KCNIP1: variants seen among roughly 807,000 people sequenced by gnomAD.
KCNIP1 encodes potassium voltage-gated channel interacting protein 1, also known as A-type potassium channel modulatory protein KCNIP1.
In KCNIP1, 18 loss-of-function variants were observed where a neutral mutation model predicts 33.0. The ratio of observed to expected loss-of-function variants is 0.55; its 90% confidence interval spans 0.38 to 0.81. The LOEUF (loss-of-function observed/expected upper bound fraction) is 0.81. Among genes scored for constraint, KCNIP1 ranks in the 30% least tolerant of loss-of-function variants. The pLI is 0.00. For synonymous variants in KCNIP1, 93 were observed against 98.3 expected (o/e 0.95, Z 0.32); for missense variants, 238 against 271.6 (o/e 0.88, Z 0.87).
intron 1 of KCNIP1, among the ~76,000 whole-genome samples, chr5:170,655,048 A>G (rs1316337269): frequency 6.6e-6 from 1 of 152,258 alleles, no homozygotes; most frequent in African/African-American, 2.4e-5. Context: ...AAAATATATT[A>G]CAAAATAATG....
intron 1 of KCNIP1, among the ~76,000 whole-genome samples, chr5:170,369,449 A>G (rs1561587860): frequency 6.6e-6 from 1 of 152,226 alleles, no homozygotes; most frequent in East Asian, 1.9e-4. Flanking sequence ...CTGGACAACT[A>G]AGTAAAGTGC....
intron 1 of KCNIP1, among the ~76,000 whole-genome samples, chr5:170,400,430 C>G (rs1754872497): frequency 6.6e-6 from 1 of 152,156 alleles, no homozygotes; most frequent in Non-Finnish European, 1.5e-5. Flanking sequence ...ATCATGAGAA[C>G]AGCATGGGGG....
chr5:170,408,552 G>A (rs1755097843), intron 1 of KCNIP1, among the ~76,000 whole-genome samples: 1 of 152,178 alleles, frequency 6.6e-6, no homozygotes, highest in Admixed American at 6.5e-5. Flanking sequence ...GTCCCTAGCT[G>A]CTTTCCATGT....
intron 1 of KCNIP1, among the ~76,000 whole-genome samples, chr5:170,610,778 G>T (rs17072775): frequency 6.6e-6 from 1 of 152,090 alleles, no homozygotes; most frequent in African/African-American, 2.4e-5. Flanking sequence ...ATGTTCCCAC[G>T]ATTATGAACT....
At chr5:170,568,901 A>G (rs1757299424) in intron 1 of KCNIP1, among the ~76,000 whole-genome samples, 1 of 152,112 alleles carries the variant, frequency 6.6e-6, no homozygotes, top group Non-Finnish European at 1.5e-5. Context: ...CTCTGCGGCT[A>G]CCCAGGCTTG....
At chr5:170,697,139 T>C (rs1762925597) in intron 1 of KCNIP1, among the ~76,000 whole-genome samples, 1 of 152,006 alleles carries the variant, frequency 6.6e-6, no homozygotes, top group African/African-American at 2.4e-5. Flanking sequence ...ATTCCACTCC[T>C]TGGGATTTCA....
chr5:170,655,552 G>A (rs1444487766), intron 1 of KCNIP1, among the ~76,000 whole-genome samples: 1 of 152,214 alleles, frequency 6.6e-6, no homozygotes, highest in Non-Finnish European at 1.5e-5. Flanking sequence ...ACCAAGGCAG[G>A]TCCTAGATGT....
In KCNIP1 at chr5:170,542,343, G is replaced by T. The variant is rs116048203; in HGVS notation, c.61+37710G>T. On this transcript the variant is annotated intron_variant, in intron 1 of 7. Coordinates refer to ENST00000328939, the MANE Select transcript of KCNIP1 (RefSeq NM_014592.4). ...AAACTCCCCATGTGGCACTGGGCAG[G>T]TTCATCACTTGAACTCTCTAGACCT... 7.5e-3 allele frequency among the ~76,000 whole-genome samples: 1,136 copies of T among 152,256 alleles called. 19 individuals are homozygous for T. The highest frequency in any genetic ancestry group is 0.026 in the African/African-American group (1,074 of 41,540).
At chr5:170,546,550 C>G (rs1410693452) in intron 1 of KCNIP1, among the ~76,000 whole-genome samples, 1 of 152,220 alleles carries the variant, frequency 6.6e-6, no homozygotes. Flanking sequence ...AGTCCTCAAC[C>G]CACGTCCAGA....
At chr5:170,686,253 G>A (rs1316217799) in intron 1 of KCNIP1, among the ~76,000 whole-genome samples, 2 of 152,140 alleles carry the variant, frequency 1.3e-5, no homozygotes, top group African/African-American at 4.8e-5. Context: ...GAAAGGAGGA[G>A]AGCACACATA....
chr5:170,462,320 A>T (rs1445341707), intron 1 of KCNIP1, among the ~76,000 whole-genome samples: 4 of 151,464 alleles, frequency 2.6e-5, no homozygotes, highest in African/African-American at 9.7e-5. Flanking sequence ...TGGGCTAAGG[A>T]CATGAATAGA....
Position 170,392,401 on chromosome 5 carries a change from A to G in KCNIP1, c.88+38437A>G, listed in dbSNP as rs1364068208. ...GGTAATTTGTTATGCAGTCATAGTAACTGGAACACACTTGCAAGTGATTTC... is the reference window on the plus strand; with the variant it reads ...GGTAATTTGTTATGCAGTCATAGTAGCTGGAACACACTTGCAAGTGATTTC... On this transcript the variant is annotated intron_variant, in intron 1 of 7. Coordinates refer to the KCNIP1 transcript ENST00000377360. 3.9e-5 allele frequency among the ~76,000 whole-genome samples: 6 copies of G among 152,214 alleles called. No homozygotes were observed. The East Asian group carries it at 1.2e-3, about 29-fold the overall frequency.
At chr5:170,506,702 A>T (rs1186431287) in intron 1 of KCNIP1, among the ~76,000 whole-genome samples, 1 of 152,178 alleles carries the variant, frequency 6.6e-6, no homozygotes, top group African/African-American at 2.4e-5. Flanking sequence ...ACTCTCATTT[A>T]ACCCTCACAA....
chr5:170,672,319 T>C (rs1421350567), intron 1 of KCNIP1, among the ~76,000 whole-genome samples: 1 of 152,218 alleles, frequency 6.6e-6, no homozygotes, highest in Admixed American at 6.5e-5. Flanking sequence ...GGGACTGGCA[T>C]GGTGAGACCT....
intron 1 of KCNIP1, among the ~76,000 whole-genome samples, chr5:170,386,486 G>T (rs549645719): frequency 6.6e-6 from 1 of 152,144 alleles, no homozygotes; most frequent in Non-Finnish European, 1.5e-5. Context: ...GGTCCCATGC[G>T]GTGAGCGAGC....
intron 1 of KCNIP1, among the ~76,000 whole-genome samples, chr5:170,572,102 A>T (rs1757434372): frequency 6.6e-6 from 1 of 152,126 alleles, no homozygotes; most frequent in Non-Finnish European, 1.5e-5. Context: ...CTGTCTAAAG[A>T]GGCTGCTGCT....
intron 1 of KCNIP1, among the ~76,000 whole-genome samples, chr5:170,357,623 G>A (rs2113281081): frequency 6.6e-6 from 1 of 152,236 alleles, no homozygotes; most frequent in Middle Eastern, 3.4e-3. Flanking sequence ...TCGACTTTCT[G>A]GGCTCAAGCA....
intron 1 of KCNIP1, among the ~76,000 whole-genome samples, chr5:170,598,766 A>G (rs1419005800): frequency 6.6e-6 from 1 of 152,160 alleles, no homozygotes; most frequent in Non-Finnish European, 1.5e-5. Flanking sequence ...ACCAGTGGAC[A>G]GAAGTCAGCA....
intron 1 of KCNIP1, among the ~76,000 whole-genome samples, chr5:170,620,871 G>T (rs1759574766): frequency 6.6e-6 from 1 of 152,146 alleles, no homozygotes; most frequent in African/African-American, 2.4e-5. Flanking sequence ...AAAGAGGCAT[G>T]AGGGCCCTCC....
Sources: gnomAD v4.1 joint callset for allele counts (sites outside exome capture counted in the v4.1 genomes callset) on GRCh38, gnomAD v4.1.1 for gene constraint, MANE v1.5 for transcripts, NCBI Gene and HGNC (gene_info 2026-07-23, HGNC 2026-07-21) for gene names.